Variants in RAPGEF6 observed in about 807,000 individuals in gnomAD.
RAPGEF6 encodes the protein PDZ domain containing guanine nucleotide exchange factor (GEF) 2.
A neutral mutation model predicts 171.4 loss-of-function variants in RAPGEF6; 56 were observed. That is an observed-to-expected ratio of 0.33 (90% CI 0.26 to 0.41). RAPGEF6 has a LOEUF of 0.41. RAPGEF6 is among the 10% of genes least tolerant of loss of function. RAPGEF6 has a pLI of 1.00. For missense variants in RAPGEF6, 1,674 were observed against 1,921.4 expected (o/e 0.87, Z 2.41); for synonymous variants, 692 against 650.1 (o/e 1.06, Z -0.98).
At chr5:131,614,362 T>TG (rs1479704190) in intron 1 of RAPGEF6, among the ~76,000 whole-genome samples, 1 of 151,296 alleles carries the variant, frequency 6.6e-6, no homozygotes, top group Non-Finnish European at 1.5e-5. Flanking sequence ...AAAAGAGGTT[T>TG]GGCTCATGGT....
At chr5:131,529,079 C>T (rs1056992743) in intron 6 of RAPGEF6, among the ~76,000 whole-genome samples, 27 of 151,378 alleles carry the variant, frequency 1.8e-4, no homozygotes, top group African/African-American at 6.6e-4. Context: ...GAGCTCCCAA[C>T]TAAGAACCAC....
chr5:131,531,226 T>G (rs1431299661), intron 6 of RAPGEF6, among the ~76,000 whole-genome samples: 1 of 152,162 alleles, frequency 6.6e-6, no homozygotes, highest in Non-Finnish European at 1.5e-5. Flanking sequence ...CAGACCATAC[T>G]AAGAAGTGCC....
intron 17 of RAPGEF6, among the ~76,000 whole-genome samples, chr5:131,468,811 C>G (rs912705036): frequency 3.3e-5 from 5 of 151,836 alleles, no homozygotes; most frequent in Admixed American, 6.6e-5. Flanking sequence ...CAGCAAAAAG[C>G]GCCACACAAA....
chr5:131,503,023 G>A (rs551736747), intron 11 of RAPGEF6, among the ~76,000 whole-genome samples: 1 of 152,064 alleles, frequency 6.6e-6, no homozygotes, highest in Non-Finnish European at 1.5e-5. Flanking sequence ...GGCTGGTCTC[G>A]AACTCCTGAC....
chr5:131,593,842 T>C (rs1278214696), intron 3 of RAPGEF6, among the ~76,000 whole-genome samples: 2 of 152,216 alleles, frequency 1.3e-5, no homozygotes, highest in Admixed American at 6.5e-5. Context: ...TACGTTCATA[T>C]GCATGAACAA....
At chr5:131,583,251 G>T (rs1763068984) in intron 4 of RAPGEF6, among the ~76,000 whole-genome samples, 1 of 152,144 alleles carries the variant, frequency 6.6e-6, no homozygotes, top group Admixed American at 6.5e-5. Context: ...TGGGAAGGGA[G>T]GTCAGACATG....
chr5:131,462,848 T>A (rs1561483622), intron 18 of RAPGEF6, among the ~76,000 whole-genome samples: 1 of 150,648 alleles, frequency 6.6e-6, no homozygotes, highest in East Asian at 2.0e-4. Flanking sequence ...TATCCATCTA[T>A]CCATCTATTT....
chr5:131,520,652 T>A (rs1758418663), intron 7 of RAPGEF6, among the ~76,000 whole-genome samples: 1 of 152,232 alleles, frequency 6.6e-6, no homozygotes, highest in Non-Finnish European at 1.5e-5. Context: ...TCTATACTCA[T>A]GATCTCTGAC....
At chr5:131,615,145 G>C (rs905347972) in intron 1 of RAPGEF6, among the ~76,000 whole-genome samples, 3 of 152,170 alleles carry the variant, frequency 2.0e-5, no homozygotes, top group Non-Finnish European at 4.4e-5. Context: ...ATGTCACTCT[G>C]GATTGTCTGA....
At chr5:131,604,475 A>G in intron 2 of RAPGEF6, 148 bp downstream of exon 2, 2 of 831,498 alleles carry the variant, frequency 2.4e-6, no homozygotes, top group East Asian at 3.4e-5. Flanking sequence ...ACCAAAATAT[A>G]AACTCCAGGA....
chr5:131,484,546 T>C (rs1287718026), intron 15 of RAPGEF6, among the ~76,000 whole-genome samples: 1 of 152,138 alleles, frequency 6.6e-6, no homozygotes, highest in Non-Finnish European at 1.5e-5. Flanking sequence ...GAATGAAGCA[T>C]AGATCGTGAT....
At chr5:131,570,370 G>A (rs978462169) in intron 4 of RAPGEF6, among the ~76,000 whole-genome samples, 1 of 152,022 alleles carries the variant, frequency 6.6e-6, no homozygotes, top group Non-Finnish European at 1.5e-5. Flanking sequence ...ATGTAAAATG[G>A]TACAGTCATT....
intron 17 of RAPGEF6, among the ~76,000 whole-genome samples, chr5:131,465,131 C>T (rs937340589): frequency 1.3e-4 from 20 of 151,826 alleles, no homozygotes; most frequent in African/African-American, 4.4e-4. Flanking sequence ...AACACTTAGT[C>T]CAACTATGAA....
intron 4 of RAPGEF6, among the ~76,000 whole-genome samples, chr5:131,577,753 G>A (rs1276642246): frequency 6.6e-6 from 1 of 152,196 alleles, no homozygotes; most frequent in East Asian, 1.9e-4. Context: ...CCATTGGACA[G>A]CCAGCCTGAT....
intron 15 of RAPGEF6, among the ~76,000 whole-genome samples, chr5:131,487,237 G>C (rs1270226468): frequency 2.0e-5 from 3 of 152,218 alleles, no homozygotes; most frequent in African/African-American, 7.2e-5. Context: ...GAGTGTTACA[G>C]CTCTTAAAGG....
intron 19 of RAPGEF6, 105 bp downstream of exon 19, chr5:131,461,600 T>C: frequency 9.0e-7 from 1 of 1,112,262 alleles, no homozygotes; most frequent in East Asian, 2.5e-5. Context: ...TAAAGGCATA[T>C]TAATTGAACA....
intron 5 of RAPGEF6, among the ~76,000 whole-genome samples, chr5:131,554,929 A>G (rs1761136558): frequency 6.6e-6 from 1 of 152,174 alleles, no homozygotes; most frequent in Non-Finnish European, 1.5e-5. Flanking sequence ...AAAATAAAGG[A>G]GGGAAAATAA....
At chr5:131,544,368 A>G (rs1760363565) in intron 6 of RAPGEF6, among the ~76,000 whole-genome samples, 1 of 152,192 alleles carries the variant, frequency 6.6e-6, no homozygotes, top group Non-Finnish European at 1.5e-5. Flanking sequence ...CCCACAAGAG[A>G]GGGGAAAAAA....
chr5:131,629,384 T>C (rs1261758882), intron 1 of RAPGEF6, among the ~76,000 whole-genome samples: 1 of 151,188 alleles, frequency 6.6e-6, no homozygotes, highest in Non-Finnish European at 1.5e-5. Flanking sequence ...TTGAAAGAGG[T>C]TGAATCCAAC....
Sources: gnomAD v4.1 joint callset for allele counts (sites outside exome capture counted in the v4.1 genomes callset) on GRCh38, gnomAD v4.1.1 for gene constraint, MANE v1.5 for transcripts, NCBI Gene and HGNC (gene_info 2026-07-23, HGNC 2026-07-21) for gene names.